Variants in CAMK2B observed in about 807,000 individuals in gnomAD.
The protein encoded by CAMK2B is calcium/calmodulin dependent protein kinase II beta.
Under a neutral mutation model 93.7 loss-of-function variants are expected in CAMK2B, and 27 were observed. The observed-to-expected ratio is 0.29, with a 90% CI of 0.21 to 0.40. CAMK2B has a LOEUF of 0.40. Ranked by LOEUF, CAMK2B falls within the 10% of genes least tolerant of loss-of-function variation. The probability of loss-of-function intolerance (pLI) is 1.00; values close to 1 mark genes in which losing one functional copy is unlikely to be tolerated. For synonymous variants in CAMK2B, 374 were observed against 358.8 expected, an observed-to-expected ratio of 1.04 and a Z score of -0.48; for missense variants, 568 against 895.8, an observed-to-expected ratio of 0.63 and a Z score of 4.67.
intron 1 of CAMK2B, among the ~76,000 whole-genome samples, chr7:44,291,746 C>T (rs1017842693): frequency 1.3e-5 from 2 of 152,244 alleles, no homozygotes; most frequent in African/African-American, 2.4e-5. Flanking sequence ...AGGTCTCCAA[C>T]TTCCCTTCTC....
chr7:44,238,746 T>C (rs1703604050), intron 13 of CAMK2B, among the ~76,000 whole-genome samples: 1 of 152,232 alleles, frequency 6.6e-6, no homozygotes. Flanking sequence ...AGGGAGGATC[T>C]GGGGTCACCC....
intron 4 of CAMK2B, among the ~76,000 whole-genome samples, chr7:44,258,136 G>A (rs546108756): frequency 3.3e-5 from 5 of 152,364 alleles, no homozygotes; most frequent in East Asian, 1.9e-4. Flanking sequence ...TTCTAAATCC[G>A]GCAGGAAGTG....
intron 1 of CAMK2B, among the ~76,000 whole-genome samples, chr7:44,308,676 G>A (rs533571086): frequency 9.8e-5 from 15 of 152,308 alleles, no homozygotes; most frequent in Non-Finnish European, 1.9e-4. Flanking sequence ...AGAGAGGGAG[G>A]TGCGGGCCCC....
In CAMK2B at chr7:44,219,962, G is replaced by GC. The variant is rs138799733; in HGVS notation, c.*2+97dup. 1,035,405 of 1,035,456 alleles carry GC rather than the reference G, an allele frequency of 1. 517,679 individuals carry two copies. Among genetic ancestry groups the GC allele is most frequent in the Middle Eastern group, 1 (3,406 of 3,406 alleles). The allele number at this position is 1,035,456 out of a possible 1,614,324, so 64.1% of individuals were successfully genotyped here. A position where few individuals can be genotyped will look rare whatever the true frequency, so the allele number is the denominator to read the frequency against. On this transcript the variant is annotated intron_variant, in intron 23 of 23. Transcript: ENST00000395749. ...TCAGGGACTTCCCAGGCATGGCTCTGCACAGGCCCCACCGCTCCCCATCGC... is the reference window on the plus strand; with the variant it reads ...TCAGGGACTTCCCAGGCATGGCTCTGCCACAGGCCCCACCGCTCCCCATCGC...
chr7:44,234,552 G>A (rs2096608007), intron 14 of CAMK2B, 87 bp downstream of exon 14: 7 of 1,591,856 alleles, frequency 4.4e-6, no homozygotes, highest in Middle Eastern at 1.7e-4. Flanking sequence ...GGGGGGAGGG[G>A]GACTCCAGAG....
chr7:44,258,087 A>G (rs1329269446), intron 4 of CAMK2B, among the ~76,000 whole-genome samples: 4 of 152,274 alleles, frequency 2.6e-5, no homozygotes, highest in Non-Finnish European at 5.9e-5. Context: ...AGCGCTGCTT[A>G]GCAGGAACTG....
intron 16 of CAMK2B, among the ~76,000 whole-genome samples, chr7:44,232,471 C>T (rs901183794): frequency 3.3e-5 from 5 of 152,132 alleles, no homozygotes; most frequent in Non-Finnish European, 5.9e-5. Context: ...GGGTGGAGGA[C>T]AGCCAGGAGG....
intron 5 of CAMK2B, among the ~76,000 whole-genome samples, chr7:44,249,330 G>C (rs183960414): frequency 1.3e-5 from 2 of 152,172 alleles, no homozygotes; most frequent in African/African-American, 2.4e-5. Context: ...CTGGGAAGTC[G>C]GGGGTGAGGC....
rs1380802973 is a variant in CAMK2B, at chr7:44,286,771, G to A, written c.66-2546C>T. 6.6e-6 allele frequency among the ~76,000 whole-genome samples: 1 copy of A among 152,226 alleles called. No homozygotes were observed. Among genetic ancestry groups the A allele is most frequent in the Non-Finnish European group, 1.5e-5 (1 of 68,032 alleles). ...CAGCAATCGGGGAAGGCGGGGGCAGGGAACACAGGTAAGACTGCCAGAGCC... is the reference window on the plus strand; with the variant it reads ...CAGCAATCGGGGAAGGCGGGGGCAGAGAACACAGGTAAGACTGCCAGAGCC... On this transcript the variant is annotated intron_variant, in intron 1 of 23. Coordinates refer to ENST00000395749, the MANE Select transcript of CAMK2B (RefSeq NM_001220.5). This position sits in a 1 kb window ranked among gnomAD's most constrained non-coding sequence, Gnocchi z 4.0.
intron 7 of CAMK2B, 25 bp from the exon 8 acceptor site, chr7:44,243,358 AGGG>A (rs758989687): frequency 6.2e-7 from 1 of 1,612,440 alleles, no homozygotes; most frequent in East Asian, 2.2e-5. Flanking sequence ...AGAGGCCACA[AGGG>A]GCTGTCAGCA....
At chr7:44,273,215 C>G (rs925726830) in intron 2 of CAMK2B, among the ~76,000 whole-genome samples, 1 of 152,166 alleles carries the variant, frequency 6.6e-6, no homozygotes, top group Admixed American at 6.5e-5. Context: ...AACCAGGGGC[C>G]ACCTCACCTC....
chr7:44,231,267 G>A (rs1489708564), intron 16 of CAMK2B, among the ~76,000 whole-genome samples: 3 of 152,174 alleles, frequency 2.0e-5, no homozygotes, highest in Middle Eastern at 3.2e-3. Context: ...GACCTCATGC[G>A]GCAGTGACCG....
At position 44,220,283 on chromosome 7, in the gene CAMK2B, T is replaced by A; in HGVS notation, c.1780A>T (p.Asn594Tyr). Residue 594 changes from asparagine (N) to tyrosine (Y), a missense_variant, in exon 23 of 24, where the codon AAC becomes TAC. Asn to Tyr is a moderately radical substitution (Grantham distance 143). Around this residue, in one of 4 missense-constraint regions of CAMK2B, gnomAD observed 116 missense variants for 188.0 expected, o/e 0.62. Transcript: ENST00000395749. ...RFYFENLLAK[N>Y]SKPIHTTILN... ...ATGGTCGTGTGGATCGGCTTGCTGT[T>A]CTTGGCCAGCACTGTGGACAGCAGG... 1 of 1,612,460 alleles carries A rather than the reference T, an allele frequency of 6.2e-7. No individual in the cohort carries two copies. The highest frequency in any genetic ancestry group is 8.5e-7 in the Non-Finnish European group (1 of 1,179,676).
intron 5 of CAMK2B, among the ~76,000 whole-genome samples, chr7:44,249,525 T>C (rs370367665): frequency 1.9e-4 from 29 of 152,274 alleles, no homozygotes; most frequent in African/African-American, 2.6e-4. Flanking sequence ...GGGAAGGGCA[T>C]AGATCTTGGG....
intron 5 of CAMK2B, among the ~76,000 whole-genome samples, chr7:44,253,374 C>T (rs958883366): frequency 8.6e-5 from 13 of 151,886 alleles, no homozygotes; most frequent in East Asian, 1.9e-4. Context: ...CCACCACGCC[C>T]GGCTAATTTT....
chr7:44,229,289 G>A, intron 18 of CAMK2B, 99 bp downstream of exon 18: 2 of 768,840 alleles, frequency 2.6e-6, no homozygotes, highest in Non-Finnish European at 4.1e-6. Context: ...CTGGAGCCAG[G>A]GTCCACGCTC....
chr7:44,263,240 T>G (rs568374249), intron 2 of CAMK2B, among the ~76,000 whole-genome samples, 176 bp from the exon 3 acceptor site: 3 of 152,274 alleles, frequency 2.0e-5, no homozygotes, highest in South Asian at 4.1e-4. Context: ...GTGGCAAGGC[T>G]GGGGCAGGGA....
rs543665987 is a variant in CAMK2B at position 44,224,758 on chromosome 7, G to GT, written c.1597+1757dup. ...TGTGTATAATCCGCGATTAGAGAGC[G>GT]TGGGTGGGGAGGAGACGGGGCCTGA... On this transcript the variant is annotated intron_variant, in intron 20 of 23. Coordinates refer to ENST00000395749, the MANE Select transcript of CAMK2B (RefSeq NM_001220.5). This position sits in a 1 kb window ranked among gnomAD's most constrained non-coding sequence, Gnocchi z 4.4. 8.3e-3 allele frequency among the ~76,000 whole-genome samples: 1,269 copies of GT among 152,272 alleles called. 13 individuals carry two copies. The highest frequency in any genetic ancestry group is 0.031 in the South Asian group (152 of 4,834).
In CAMK2B at chr7:44,234,731, AG is replaced by A; in HGVS notation, c.1022-56del. On this transcript the variant is annotated intron_variant, in intron 13 of 23. Coordinates refer to ENST00000395749, the MANE Select transcript of CAMK2B (RefSeq NM_001220.5). ...GAGTGATGGGCCTGGGTCTCGCTGC[AG>A]CGCAACCCCACCCCTTTGCCTGACC... The A allele has an allele frequency of 4.4e-6, 7 of 1,575,936 alleles. No individual in the cohort carries two copies. In the Middle Eastern group the frequency reaches 1.2e-3, roughly 263 times the overall value.
Sources: allele counts gnomAD v4.1 joint callset (sites outside exome capture counted in the v4.1 genomes callset), GRCh38; gene constraint gnomAD v4.1.1; regional missense constraint gnomAD v4.1.1; non-coding constraint Gnocchi (gnomAD v3.1); transcripts MANE v1.5; gene names NCBI Gene and HGNC (gene_info 2026-07-23, HGNC 2026-07-21).